The following KLF12 variants were observed in gnomAD, a reference collection of about 807,000 sequenced individuals.
The protein encoded by KLF12 is Krueppel-like factor 12.
KLF12 carries 9 observed loss-of-function variants against 37.8 expected under a neutral mutation model. That is an observed-to-expected ratio of 0.24 (90% CI 0.14 to 0.42). The LOEUF (loss-of-function observed/expected upper bound fraction) is 0.42. Ranked by LOEUF, KLF12 falls within the 10% of genes least tolerant of loss-of-function variation. The pLI, the probability that KLF12 is intolerant of heterozygous loss-of-function variation, is 1.00. For missense variants in KLF12, 411 were observed against 516.0 expected (o/e 0.80, Z 1.97); for synonymous variants, 208 against 202.1 (o/e 1.03, Z -0.25).
At chr13:74,176,585 T>C in the KLF12 span, among the ~76,000 whole-genome samples, 1 of 152,190 alleles carries the variant, frequency 6.6e-6, no homozygotes, top group East Asian at 1.9e-4. Flanking sequence ...TTCCTCATCA[T>C]GAGCTCCTGT....
intron 1 of KLF12, among the ~76,000 whole-genome samples, chr13:74,071,679 C>T (rs533387529): frequency 9.2e-5 from 14 of 152,044 alleles, no homozygotes; most frequent in East Asian, 1.9e-4. Context: ...GGCGACAGAG[C>T]GAGACTCCGT....
At position 73,715,362 on chromosome 13, in the gene KLF12, C is replaced by A; in HGVS notation, c.1027+6G>T. ...CTCACAGGTGAGAAGCCCTGCAGAG[C>A]GGTACCTGTATGTGTCCTCCGGTGA... On this transcript the variant is annotated splice_donor_region_variant and intron_variant, in intron 7 of 7. Coordinates refer to ENST00000377669, the MANE Select transcript of KLF12 (RefSeq NM_007249.5). 6.2e-7 allele frequency: 1 copy of A among 1,611,312 alleles called. No individual in the cohort carries two copies. The highest frequency in any genetic ancestry group is 8.5e-7 in the Non-Finnish European group (1 of 1,178,940).
intron 6 of KLF12, among the ~76,000 whole-genome samples, chr13:73,758,213 T>C (rs1296414794): frequency 6.6e-6 from 1 of 152,144 alleles, no homozygotes; most frequent in Non-Finnish European, 1.5e-5. Flanking sequence ...TTTAAAGTTC[T>C]ACATCTGGAC....
intron 3 of KLF12, among the ~76,000 whole-genome samples, chr13:73,887,247 A>C (rs924150095): frequency 6.6e-6 from 1 of 152,200 alleles, no homozygotes; most frequent in African/African-American, 2.4e-5. Flanking sequence ...TAATGTAGTA[A>C]AGATGGCAAA....
At chr13:74,293,290 TG>T in the KLF12 span, among the ~76,000 whole-genome samples, 1 of 152,208 alleles carries the variant, frequency 6.6e-6, no homozygotes, top group Non-Finnish European at 1.5e-5. Flanking sequence ...GATTTTTAGC[TG>T]GTGTACCCTT....
At chr13:73,702,359 T>C (rs1874621934) in intron 7 of KLF12, among the ~76,000 whole-genome samples, 1 of 152,172 alleles carries the variant, frequency 6.6e-6, no homozygotes, top group Admixed American at 6.5e-5. Flanking sequence ...AGGTATTGAA[T>C]GGATTCCCAA....
In KLF12 at chr13:73,949,315, C is replaced by T. The variant is rs143924571; in HGVS notation, c.34-5245G>A. On this transcript the variant is annotated intron_variant, in intron 2 of 7. Coordinates refer to ENST00000377669, the MANE Select transcript of KLF12 (RefSeq NM_007249.5). ...TGTGGAATCTCAGTAACAGCTCCTC[C>T]CTGAGCTGGGCTAATTTAGCTATGG... 1.3e-3 allele frequency among the ~76,000 whole-genome samples: 196 copies of T among 152,302 alleles called. 2 individuals carry two copies. Among genetic ancestry groups the T allele is most frequent in the African/African-American group, 4.6e-3 (190 of 41,558 alleles).
intron 3 of KLF12, among the ~76,000 whole-genome samples, chr13:73,877,007 C>T (rs1489845296): frequency 1.4e-5 from 2 of 147,928 alleles, no homozygotes; most frequent in Admixed American, 6.7e-5. Flanking sequence ...AGTGAGACTC[C>T]GTCTCAAAAA....
chr13:73,759,649 A>T (rs1879419415), intron 6 of KLF12, among the ~76,000 whole-genome samples: 1 of 152,198 alleles, frequency 6.6e-6, no homozygotes, highest in African/African-American at 2.4e-5. Context: ...CTGGATACGC[A>T]TGCAGAGGCC....
chr13:73,860,460 T>C (rs888350279), intron 3 of KLF12, among the ~76,000 whole-genome samples: 1 of 152,170 alleles, frequency 6.6e-6, no homozygotes, highest in Non-Finnish European at 1.5e-5. Context: ...ACGGGCCACA[T>C]GCAGTGGCTC....
chr13:73,712,214 T>C (rs1369501675), intron 7 of KLF12, among the ~76,000 whole-genome samples: 1 of 151,924 alleles, frequency 6.6e-6, no homozygotes, highest in Non-Finnish European at 1.5e-5. Context: ...GGCACATGCC[T>C]GTAATCCCAG....
chr13:74,214,817 T>TG, the KLF12 span, among the ~76,000 whole-genome samples: 5 of 152,032 alleles, frequency 3.3e-5, no homozygotes, highest in African/African-American at 1.2e-4. Flanking sequence ...TTTTTTGAGA[T>TG]GGAGTCTCAC....
chr13:74,089,645 T>C (rs1425294490), intron 1 of KLF12, among the ~76,000 whole-genome samples: 2 of 151,484 alleles, frequency 1.3e-5, no homozygotes, highest in South Asian at 2.1e-4. Context: ...GTTTAACATC[T>C]GAAAATCAAT....
At chr13:74,133,629 G>T (rs1878392369) in intron 1 of KLF12, among the ~76,000 whole-genome samples, 1 of 143,822 alleles carries the variant, frequency 7.0e-6, no homozygotes, top group Non-Finnish European at 1.5e-5. Context: ...GCAGATGACA[G>T]AAGGAAAATA....
intron 2 of KLF12, among the ~76,000 whole-genome samples, chr13:73,955,808 A>T (rs1890813086): frequency 6.6e-6 from 1 of 152,216 alleles, no homozygotes; most frequent in Admixed American, 6.5e-5. Flanking sequence ...AAAGAACTAC[A>T]AAGGAAATAA....
At chr13:73,943,041 C>T (rs1477523304) in intron 3 of KLF12, among the ~76,000 whole-genome samples, 1 of 152,140 alleles carries the variant, frequency 6.6e-6, no homozygotes, top group African/African-American at 2.4e-5. Context: ...CCCGGATGTA[C>T]TCATCCACAT....
At chr13:73,762,917 T>C (rs901705865) in intron 6 of KLF12, among the ~76,000 whole-genome samples, 1 of 152,204 alleles carries the variant, frequency 6.6e-6, no homozygotes, top group Non-Finnish European at 1.5e-5. Context: ...AGGTAGTATA[T>C]ATCATAGAAA....
intron 3 of KLF12, among the ~76,000 whole-genome samples, chr13:73,928,601 T>C (rs1359902817): frequency 6.6e-6 from 1 of 152,188 alleles, no homozygotes; most frequent in South Asian, 2.1e-4. Context: ...TACTAATCAA[T>C]AGATGGCATT....
intron 3 of KLF12, among the ~76,000 whole-genome samples, chr13:73,921,882 G>GAA (rs1889133541): frequency 1.3e-5 from 2 of 152,144 alleles, no homozygotes. Flanking sequence ...AAGTTTAAAA[G>GAA]AAATACTACA....
Sources: allele counts gnomAD v4.1 joint callset (sites outside exome capture counted in the v4.1 genomes callset), GRCh38; gene constraint gnomAD v4.1.1; transcripts MANE v1.5; gene names NCBI Gene and HGNC (gene_info 2026-07-23, HGNC 2026-07-21).